LIN9: variants seen among roughly 807,000 people sequenced by gnomAD.
The protein encoded by LIN9 is protein lin-9 homolog.
Under a neutral mutation model 78.0 loss-of-function variants are expected in LIN9, and 18 were observed. The ratio of observed to expected loss-of-function variants is 0.23; its 90% CI spans 0.16 to 0.34. The LOEUF (loss-of-function observed/expected upper bound fraction) is 0.34. LIN9 is among the 10% of genes least tolerant of loss of function. The probability of loss-of-function intolerance (pLI) is 1.00; values close to 1 mark genes in which losing one functional copy is unlikely to be tolerated. For synonymous variants in LIN9, 192 were observed against 215.2 expected, an observed-to-expected ratio of 0.89 and a Z score of 0.94; for missense variants, 451 against 644.1, an observed-to-expected ratio of 0.70 and a Z score of 3.25.
At chr1:226,273,374 A>G (rs1660431627) in intron 7 of LIN9, among the ~76,000 whole-genome samples, 1 of 147,634 alleles carries the variant, frequency 6.8e-6, no homozygotes, top group Non-Finnish European at 1.5e-5. Context: ...TCAGCCTTCC[A>G]AGGAACTGGA....
chr1:226,287,868 A>C (rs1661470918), intron 4 of LIN9, 71 bp from the exon 5 acceptor site: 1 of 1,143,060 alleles, frequency 8.7e-7, no homozygotes, highest in South Asian at 1.5e-5. Context: ...ACCCTGAATA[A>C]ATTTGCAAAA....
chr1:226,231,359 TACATTA>T lies in LIN9; in HGVS notation c.*1136_*1141del, dbSNP rs1657318229. On this transcript the variant is annotated 3_prime_UTR_variant, in exon 15 of 15. Coordinates refer to ENST00000681046, the MANE Select transcript of LIN9 (RefSeq NM_001366245.2). ...AAATAATCTTGTTTCAGTTTTATTA[TACATTA>T]ACATATAAAAAGTCTCATTTTATGA... is the stretch of plus-strand genomic sequence containing the variant. 1 of 152,598 alleles carries T rather than the reference TACATTA, an allele frequency of 6.6e-6. No homozygotes were observed. Among genetic ancestry groups the T allele is most frequent in the Non-Finnish European group, 1.5e-5 (1 of 68,014 alleles). 9.5% of individuals were successfully genotyped at this position (152,598 alleles called of 1,614,324 possible).
At chr1:226,262,284 T>C (rs1659639579) in intron 10 of LIN9, among the ~76,000 whole-genome samples, 1 of 152,212 alleles carries the variant, frequency 6.6e-6, no homozygotes, top group Non-Finnish European at 1.5e-5. Context: ...TGAGCTGAAC[T>C]TCATTAAAAT....
At chr1:226,309,433 G>C (rs764843737), upstream of LIN9, 1 of 1,029,354 alleles carries the variant, frequency 9.7e-7, no homozygotes, top group African/African-American at 1.7e-5. Context: ...AGCGCGGGGG[G>C]AGCAGTACCA....
At chr1:226,288,951 A>G (rs1264963462) in intron 4 of LIN9, among the ~76,000 whole-genome samples, 1 of 152,162 alleles carries the variant, frequency 6.6e-6, no homozygotes, top group African/African-American at 2.4e-5. Context: ...TTAGGAAAAA[A>G]TCTTATGCTG....
At chr1:226,299,528 G>T (rs930395256) in intron 2 of LIN9, among the ~76,000 whole-genome samples, 4 of 150,850 alleles carry the variant, frequency 2.7e-5, no homozygotes, top group Non-Finnish European at 5.9e-5. Context: ...AAAAAGGCAG[G>T]GGGGAGAGAA....
At chr1:226,250,206 T>C (rs1421843279) in intron 11 of LIN9, among the ~76,000 whole-genome samples, 4 of 151,902 alleles carry the variant, frequency 2.6e-5, no homozygotes, top group African/African-American at 4.8e-5. Context: ...AATTATCTTA[T>C]GAATAAAATT....
chr1:226,248,785 A>C (rs1371954969), intron 11 of LIN9, among the ~76,000 whole-genome samples: 1 of 152,220 alleles, frequency 6.6e-6, no homozygotes, highest in Non-Finnish European at 1.5e-5. Context: ...ATTTATGGAG[A>C]AGGCATTATA....
chr1:226,278,653 G>A (rs549922841), intron 6 of LIN9, among the ~76,000 whole-genome samples: 12 of 149,628 alleles, frequency 8.0e-5, no homozygotes, highest in African/African-American at 2.7e-4. Context: ...GCAAAATCCC[G>A]TCTGTACTAA....
chr1:226,273,571 C>T (rs1660442611), intron 7 of LIN9, among the ~76,000 whole-genome samples: 1 of 151,888 alleles, frequency 6.6e-6, no homozygotes, highest in Non-Finnish European at 1.5e-5. Context: ...AAATCAAATT[C>T]TCTTTTGACT....
rs1361267745 is a variant in LIN9 at position 226,265,938 on chromosome 1, A to G, written c.936+275T>C. 6.6e-6 allele frequency among the ~76,000 whole-genome samples: 1 copy of G among 152,110 alleles called. No individual in the cohort carries two copies. The highest frequency in any genetic ancestry group is 1.5e-5 in the Non-Finnish European group (1 of 68,010). On this transcript the variant is annotated intron_variant, in intron 9 of 14. Coordinates refer to ENST00000681046, the MANE Select transcript of LIN9 (RefSeq NM_001366245.2). This position sits in a 1 kb window ranked among gnomAD's most constrained non-coding sequence, Gnocchi z 4.1. ...GTGATCCGCCTGCCTCAGCCTCCCA[A>G]AGTGCTGGGATTACAGGCGTGAGCC...
At chr1:226,274,029 G>A (rs1368223020) in intron 7 of LIN9, among the ~76,000 whole-genome samples, 1 of 151,768 alleles carries the variant, frequency 6.6e-6, no homozygotes, top group Admixed American at 6.6e-5. Context: ...GTAGAGACAG[G>A]GTTTCACCAT....
upstream of LIN9, chr1:226,309,633 G>A: frequency 2.4e-6 from 3 of 1,273,212 alleles, no homozygotes; most frequent in Non-Finnish European, 3.1e-6. Flanking sequence ...CACAGTTCCC[G>A]AAACCCACGT....
At chr1:226,235,775 A>G (rs1037144313) in intron 12 of LIN9, among the ~76,000 whole-genome samples, 1 of 152,180 alleles carries the variant, frequency 6.6e-6, no homozygotes, top group African/African-American at 2.4e-5. Context: ...ATTTACTTGT[A>G]TTTGTTGGGG....
At chr1:226,270,821 T>C (rs1660223161) in intron 7 of LIN9, among the ~76,000 whole-genome samples, 1 of 101,994 alleles carries the variant, frequency 9.8e-6, no homozygotes, top group African/African-American at 4.4e-5. Flanking sequence ...CAAGACTCTG[T>C]CTCAAAAAAA....
chr1:226,273,088 T>G (rs995877077), intron 7 of LIN9, among the ~76,000 whole-genome samples: 1 of 151,132 alleles, frequency 6.6e-6, no homozygotes, highest in African/African-American at 2.4e-5. Context: ...GGATTAGAGG[T>G]GTGAGCCAGT....
At chr1:226,294,047 C>T (rs1206282495) in intron 4 of LIN9, among the ~76,000 whole-genome samples, 1 of 152,010 alleles carries the variant, frequency 6.6e-6, no homozygotes, top group Non-Finnish European at 1.5e-5. Flanking sequence ...GTGGCTCACA[C>T]CTGTAATCCC....
intron 11 of LIN9, 37 bp downstream of exon 11, chr1:226,250,802 G>T: frequency 9.3e-7 from 1 of 1,072,158 alleles, no homozygotes; most frequent in South Asian, 1.4e-5. Context: ...TTTAAAATTA[G>T]ACAAGCAAAT....
chr1:226,232,634 A>G, intron 14 of LIN9, 28 bp from the exon 15 acceptor site: 2 of 1,400,972 alleles, frequency 1.4e-6, no homozygotes, highest in Non-Finnish European at 2.0e-6. Flanking sequence ...ATGGTTAACT[A>G]CTTTATTTCA....
Sources: gnomAD v4.1 joint callset for allele counts (sites outside exome capture counted in the v4.1 genomes callset) on GRCh38, gnomAD v4.1.1 for gene constraint, Gnocchi (gnomAD v3.1) non-coding constraint, MANE v1.5 for transcripts, NCBI Gene and HGNC (gene_info 2026-07-23, HGNC 2026-07-21) for gene names.